Variants in TMEM132D observed in about 807,000 individuals in gnomAD.
TMEM132D encodes transmembrane protein 132D.
In TMEM132D, 21 loss-of-function variants were observed where a neutral mutation model predicts 62.3. The observed-to-expected ratio is 0.34, with a 90% CI of 0.24 to 0.49. TMEM132D has a LOEUF of 0.49. TMEM132D is among the 20% of genes least tolerant of loss of function. The pLI is 0.99. For missense variants in TMEM132D, 1,346 were observed against 1,402.8 expected, an observed-to-expected ratio of 0.96 and a Z score of 0.65; for synonymous variants, 621 against 575.6, an observed-to-expected ratio of 1.08 and a Z score of -1.13.
At chr12:129,243,130 G>GTGTGCACACACA (rs1879980210) in intron 4 of TMEM132D, among the ~76,000 whole-genome samples, 1 of 152,144 alleles carries the variant, frequency 6.6e-6, no homozygotes, top group South Asian at 2.1e-4. Flanking sequence ...GTACACACAC[G>GTGTGCACACACA]TGTGCACACA....
chr12:129,445,949 G>C (rs1426732876), intron 3 of TMEM132D, among the ~76,000 whole-genome samples: 2 of 152,132 alleles, frequency 1.3e-5, no homozygotes, highest in Admixed American at 6.5e-5. Context: ...GTATCCCCGG[G>C]GAGGTGTAGA....
chr12:129,433,518 A>G (rs1025566157), intron 3 of TMEM132D, among the ~76,000 whole-genome samples: 1 of 152,174 alleles, frequency 6.6e-6, no homozygotes, highest in Non-Finnish European at 1.5e-5. Context: ...GGAGAGCTTG[A>G]CACATGGGCA....
At chr12:129,806,473 C>T (rs1451461454) in intron 1 of TMEM132D, among the ~76,000 whole-genome samples, 2 of 136,084 alleles carry the variant, frequency 1.5e-5, no homozygotes, top group African/African-American at 5.5e-5. Context: ...TATTCTCACT[C>T]ATAGGTGGGA....
At chr12:129,278,729 G>A (rs977327486) in intron 4 of TMEM132D, among the ~76,000 whole-genome samples, 4 of 152,188 alleles carry the variant, frequency 2.6e-5, no homozygotes, top group Non-Finnish European at 4.4e-5. Context: ...TCCCTTCAAG[G>A]AAACCGCTAA....
At chr12:129,901,861 AC>A (rs371570871) in intron 1 of TMEM132D, among the ~76,000 whole-genome samples, 5 of 129,592 alleles carry the variant, frequency 3.9e-5, no homozygotes, top group African/African-American at 9.0e-5. Context: ...GTGAGAACCA[AC>A]CCCCCCCGCC....
At position 129,183,067 on chromosome 12, in the gene TMEM132D, C is replaced by A. The variant is rs564528322; in HGVS notation, c.1443+26453G>T. 2.6e-5 allele frequency among the ~76,000 whole-genome samples: 4 copies of A among 152,200 alleles called. No homozygotes were observed. In the South Asian group the frequency reaches 8.3e-4, roughly 31 times the overall value. ...CTTCCAAGAATGACTGCTCCAAGAA[C>A]AAGCCCCAGTGTGCAAGCACTTACC... On this transcript the variant is annotated intron_variant, in intron 5 of 8. Coordinates refer to ENST00000422113, the MANE Select transcript of TMEM132D (RefSeq NM_133448.3).
rs569745574 is a variant in TMEM132D, at chr12:129,269,376, C to T, written c.1300-59713G>A. Reference sequence around the variant, plus strand: ...CTTTTCCTCCCTCCCTTCCTCCCTTCCCCTTTGCCTTCTCCTTTCCCTTCC... The same window carrying T: ...CTTTTCCTCCCTCCCTTCCTCCCTTTCCCTTTGCCTTCTCCTTTCCCTTCC... On this transcript the variant is annotated intron_variant, in intron 4 of 8. Coordinates refer to ENST00000422113, the MANE Select transcript of TMEM132D (RefSeq NM_133448.3). Among the ~76,000 whole-genome samples, 132 of 152,106 alleles carry T rather than the reference C, an allele frequency of 8.7e-4. No homozygotes were observed. In the South Asian group the frequency reaches 0.021, roughly 24 times the overall value.
chr12:129,260,962 G>A (rs7302942), intron 4 of TMEM132D, among the ~76,000 whole-genome samples: 66,723 of 152,040 alleles, frequency 0.44, 15,069 homozygotes, highest in African/African-American at 0.54. Context: ...AAAATGTGCT[G>A]TTATAAACAT....
In TMEM132D at chr12:129,800,820, G is replaced by A. The variant is rs185338296; in HGVS notation, c.80-100122C>T. On this transcript the variant is annotated intron_variant, in intron 1 of 8. Transcript: ENST00000422113. ...CTGAGGTACCGGGCTCATCTCACTA[G>A]GGAGTGCCAGACAGTGGGCACAGCT... 2.0e-3 allele frequency among the ~76,000 whole-genome samples: 300 copies of A among 152,240 alleles called. 2 individuals carry two copies. Among genetic ancestry groups the A allele is most frequent in the African/African-American group, 6.9e-3 (287 of 41,554 alleles).
chr12:129,281,409 A>C (rs1881143716), intron 4 of TMEM132D, among the ~76,000 whole-genome samples: 2 of 151,680 alleles, frequency 1.3e-5, no homozygotes, highest in African/African-American at 2.4e-5. Context: ...GTCAATCAAT[A>C]AATAAATTCT....
At chr12:129,629,347 T>G (rs1391301737) in intron 2 of TMEM132D, among the ~76,000 whole-genome samples, 3 of 152,236 alleles carry the variant, frequency 2.0e-5, no homozygotes, top group Admixed American at 2.0e-4. Flanking sequence ...TTCAAGATTT[T>G]TATTCACCAT....
chr12:129,081,888 C>G lies in TMEM132D; in HGVS notation c.1794G>C (p.Leu598=), dbSNP rs978564536. ...TGATGTCCACTTGCCAGTCTGAGCC[C>G]AGCAGGTGGGCCAGGTGTCCCCCAG... ...AGPGGHLAHL[L]GSDWQVDITE... Residue 598 remains leucine, a synonymous_variant, in exon 7 of 9, where the codon CTG becomes CTC. Transcript: ENST00000422113. 6.2e-7 allele frequency: 1 copy of G among 1,613,960 alleles called. No individual in the cohort carries two copies. The highest frequency in any genetic ancestry group is 8.5e-7 in the Non-Finnish European group (1 of 1,180,038).
intron 3 of TMEM132D, among the ~76,000 whole-genome samples, chr12:129,429,979 T>C (rs111586396): frequency 0.034 from 5,201 of 152,140 alleles, 157 homozygotes; most frequent in East Asian, 0.11. Flanking sequence ...ATCCAGTCTA[T>C]TGTTGTTGGA....
chr12:129,204,897 C>G (rs1458938811), intron 5 of TMEM132D, among the ~76,000 whole-genome samples: 1 of 152,120 alleles, frequency 6.6e-6, no homozygotes, highest in African/African-American at 2.4e-5. Context: ...AAAAAAATTT[C>G]CAACCAAAAA....
intron 1 of TMEM132D, among the ~76,000 whole-genome samples, chr12:129,839,018 C>G (rs774953932): frequency 1.4e-5 from 2 of 146,416 alleles, no homozygotes; most frequent in Non-Finnish European, 3.0e-5. Context: ...GTGGTGCAAT[C>G]TCAGCTCACT....
chr12:129,858,765 GA>G (rs1873773604), intron 1 of TMEM132D, among the ~76,000 whole-genome samples: 1 of 81,428 alleles, frequency 1.2e-5, no homozygotes, highest in Non-Finnish European at 2.4e-5. Flanking sequence ...GGAGTCCGGG[GA>G]AACGGGATGG....
rs1158625417 is a variant in TMEM132D, at chr12:129,523,106, G to A, written c.1115+7953C>T. The stretch of plus-strand genomic sequence containing the variant: ...GGGCTGCACATGTGTGCATACACAC[G>A]CACGTGCACACACACACACACAGAC... On this transcript the variant is annotated intron_variant, in intron 3 of 8. Transcript: ENST00000422113. Among the ~76,000 whole-genome samples, 8 of 122,332 alleles carry A rather than the reference G, an allele frequency of 6.5e-5. No homozygotes were observed. In the East Asian group the frequency reaches 8.9e-4, roughly 14 times the overall value. 80.3% of individuals were successfully genotyped at this position (122,332 alleles called of 152,430 possible).
chr12:129,636,699 TGTGTGTG>T (rs1484633056), intron 2 of TMEM132D, among the ~76,000 whole-genome samples: 8 of 24,348 alleles, frequency 3.3e-4, no homozygotes, highest in African/African-American at 1.8e-3. Context: ...CATACAGAAA[TGTGTGTG>T]TGTGTGTGTG....
chr12:129,755,054 C>A (rs180748509), intron 1 of TMEM132D, among the ~76,000 whole-genome samples: 1 of 152,152 alleles, frequency 6.6e-6, no homozygotes, highest in Non-Finnish European at 1.5e-5. Flanking sequence ...TTCTTAGGCT[C>A]CCCCAAGGAT....
Sources: allele counts gnomAD v4.1 joint callset (sites outside exome capture counted in the v4.1 genomes callset), GRCh38; gene constraint gnomAD v4.1.1; transcripts MANE v1.5; gene names NCBI Gene and HGNC (gene_info 2026-07-23, HGNC 2026-07-21).